The following TAB2 variants were observed in gnomAD, a reference collection of about 807,000 sequenced individuals.
TAB2 encodes the protein TGF-beta-activated kinase 1 and MAP3K7-binding protein 2.
TAB2 carries 3 observed loss-of-function variants against 65.0 expected under a neutral mutation model. The ratio of observed to expected loss-of-function variants is 0.05; its 90% confidence interval spans 0.02 to 0.12. TAB2 has a LOEUF of 0.12. TAB2 is among the 10% of genes least tolerant of loss of function. TAB2 has a pLI of 1.00. For synonymous variants in TAB2, 298 were observed against 285.1 expected, an observed-to-expected ratio of 1.05 and a Z score of -0.46; for missense variants, 623 against 840.3, an observed-to-expected ratio of 0.74 and a Z score of 3.20.
intron 1 of TAB2, among the ~76,000 whole-genome samples, chr6:149,238,198 G>A (rs1777535472): frequency 1.3e-5 from 2 of 152,098 alleles, no homozygotes; most frequent in African/African-American, 4.8e-5. Flanking sequence ...CGTGTCCAGT[G>A]AAATAACAAA....
Position 149,378,077 on chromosome 6 carries a change from T to G in TAB2, c.162T>G (p.Leu54=). 1 of 1,614,172 alleles carries G rather than the reference T, an allele frequency of 6.2e-7. No individual in the cohort carries two copies. The highest frequency in any genetic ancestry group is 1.1e-5 in the South Asian group (1 of 91,088). Residue 54 remains leucine, a synonymous_variant, in exon 3 of 7, where the codon CTT becomes CTG. Transcript: ENST00000637181. The stretch of plus-strand genomic sequence containing the variant: ...TCTCTCAGGAGAGTACAAGATATCT[T>G]TATGGTGAAGGAGACTTGAATTTTT... ...AVLSQESTRY[L]YGEGDLNFSD...
At chr6:149,399,077 G>T in intron 5 of TAB2, 27 bp from the exon 6 acceptor site, 1 of 1,566,572 alleles carries the variant, frequency 6.4e-7, no homozygotes. Context: ...TATAAGCATT[G>T]ATATATTTAC....
intron 1 of TAB2, among the ~76,000 whole-genome samples, chr6:149,335,902 A>T (rs182614832): frequency 6.6e-6 from 1 of 151,974 alleles, no homozygotes; most frequent in Non-Finnish European, 1.5e-5. Flanking sequence ...GTGTGTAGAT[A>T]AATATAGATA....
In TAB2 at chr6:149,403,297, T is replaced by A. The variant is rs796187760; in HGVS notation, c.1939+4113T>A. On this transcript the variant is annotated intron_variant, in intron 6 of 6. Transcript: ENST00000637181. ...ATATATATATATACACACACACACATATATATATATATATATACACACACA... is the reference window on the plus strand; with the variant it reads ...ATATATATATATACACACACACACAAATATATATATATATATACACACACA... 7.9e-3 allele frequency among the ~76,000 whole-genome samples: 437 copies of A among 54,976 alleles called. 28 individuals are homozygous for A. Among genetic ancestry groups the A allele is most frequent in the African/African-American group, 0.039 (424 of 10,750 alleles). 36.1% of individuals were successfully genotyped at this position (54,976 alleles called of 152,430 possible).
At chr6:149,309,403 C>CTTTTTTTTTT (rs565648269) in intron 1 of TAB2, among the ~76,000 whole-genome samples, 1 of 141,168 alleles carries the variant, frequency 7.1e-6, no homozygotes, top group African/African-American at 2.7e-5. Context: ...AATAATTCCT[C>CTTTTTTTTTT]TTTTTTTTTT....
At chr6:149,235,447 G>T (rs1219424968) in intron 1 of TAB2, among the ~76,000 whole-genome samples, 1 of 152,186 alleles carries the variant, frequency 6.6e-6, no homozygotes, top group African/African-American at 2.4e-5. Flanking sequence ...CTATGTGTTT[G>T]GTGTAACAGC....
At chr6:149,397,186 A>G (rs149074416) in intron 3 of TAB2, among the ~76,000 whole-genome samples, 1 of 152,366 alleles carries the variant, frequency 6.6e-6, no homozygotes, top group East Asian at 1.9e-4. Context: ...ACAAGCCTCT[A>G]ATCCCAGCAC....
At chr6:149,287,857 T>G (rs1453875339) in intron 1 of TAB2, among the ~76,000 whole-genome samples, 1 of 152,218 alleles carries the variant, frequency 6.6e-6, no homozygotes, top group Non-Finnish European at 1.5e-5. Flanking sequence ...GCATGTTATT[T>G]ATAAGGAGGT....
At chr6:149,281,075 G>A (rs1778563513) in intron 1 of TAB2, among the ~76,000 whole-genome samples, 1 of 152,028 alleles carries the variant, frequency 6.6e-6, no homozygotes. Context: ...AGAGCATTGG[G>A]AATGAATACA....
chr6:149,273,454 C>T (rs1323972988), intron 1 of TAB2, among the ~76,000 whole-genome samples: 3 of 152,188 alleles, frequency 2.0e-5, no homozygotes, highest in Non-Finnish European at 4.4e-5. Context: ...CAGTGCCATG[C>T]TCTGAGGATC....
intron 1 of TAB2, among the ~76,000 whole-genome samples, chr6:149,321,559 A>C (rs1364348056): frequency 5.9e-5 from 9 of 152,208 alleles, no homozygotes; most frequent in African/African-American, 4.8e-5. Flanking sequence ...CTTAACCTAC[A>C]TTCATTCAGC....
chr6:149,232,997 C>T (rs1323192749), intron 1 of TAB2, among the ~76,000 whole-genome samples: 1 of 152,156 alleles, frequency 6.6e-6, no homozygotes, highest in Admixed American at 6.5e-5. Flanking sequence ...CAGGAGTACC[C>T]ACTCCCATGC....
intron 6 of TAB2, among the ~76,000 whole-genome samples, chr6:149,404,934 T>C (rs1413686203): frequency 2.0e-5 from 3 of 151,618 alleles, no homozygotes; most frequent in South Asian, 2.1e-4. Flanking sequence ...TAAACTAAAA[T>C]GCATCTACAC....
At chr6:149,381,184 G>A (rs1404206268) in intron 3 of TAB2, among the ~76,000 whole-genome samples, 2 of 152,192 alleles carry the variant, frequency 1.3e-5, no homozygotes, top group African/African-American at 4.8e-5. Flanking sequence ...GTGCATTTTA[G>A]GGGTACATGA....
intron 1 of TAB2, among the ~76,000 whole-genome samples, chr6:149,299,087 T>C (rs1778927313): frequency 6.6e-6 from 1 of 152,228 alleles, no homozygotes; most frequent in Non-Finnish European, 1.5e-5. Context: ...TATTAACCGT[T>C]TTATATATTT....
At chr6:149,228,365 G>T (rs140012058) in intron 1 of TAB2, among the ~76,000 whole-genome samples, 33 of 152,278 alleles carry the variant, frequency 2.2e-4, no homozygotes, top group African/African-American at 7.5e-4. Context: ...ACAAGGTGAG[G>T]GTGGCATCTG....
intron 1 of TAB2, chr6:149,346,654 A>G (rs552194684): frequency 1.3e-5 from 2 of 152,022 alleles, no homozygotes; most frequent in East Asian, 3.9e-4. Flanking sequence ...GGGCTTCACC[A>G]TATTGGTCAG....
At chr6:149,257,722 G>A (rs1778067356) in intron 1 of TAB2, among the ~76,000 whole-genome samples, 1 of 152,038 alleles carries the variant, frequency 6.6e-6, no homozygotes, top group African/African-American at 2.4e-5. Context: ...AGAATCTCTG[G>A]GGGCAGAGTC....
chr6:149,292,553 G>A (rs1778796502), intron 1 of TAB2, among the ~76,000 whole-genome samples: 2 of 152,200 alleles, frequency 1.3e-5, no homozygotes, highest in Non-Finnish European at 2.9e-5. Flanking sequence ...GTTTTAAATG[G>A]AAGAAGAACC....
Sources: allele counts gnomAD v4.1 joint callset (sites outside exome capture counted in the v4.1 genomes callset), GRCh38; gene constraint gnomAD v4.1.1; transcripts MANE v1.5; gene names NCBI Gene and HGNC (gene_info 2026-07-23, HGNC 2026-07-21).